ANKRD6: variants seen among roughly 807,000 people sequenced by gnomAD.
The protein encoded by ANKRD6 is ankyrin repeat domain-containing protein 6.
ANKRD6 carries 56 observed loss-of-function variants against 82.3 expected under a neutral mutation model. That is an observed-to-expected ratio of 0.68 (90% confidence interval 0.55 to 0.85). The LOEUF is 0.85. Among genes scored for constraint, ANKRD6 ranks in the 40% least tolerant of loss-of-function variants. ANKRD6 has a pLI of 0.00. For missense variants in ANKRD6, 852 were observed against 907.6 expected, an observed-to-expected ratio of 0.94 and a Z score of 0.79; for synonymous variants, 347 against 352.1, an observed-to-expected ratio of 0.99 and a Z score of 0.16.
chr6:89,434,294 C>T (rs1055266337), intron 1 of ANKRD6, among the ~76,000 whole-genome samples: 2 of 152,190 alleles, frequency 1.3e-5, no homozygotes, highest in Admixed American at 6.5e-5. Context: ...GCATTGTACT[C>T]TTGTGTGTTA....
chr6:89,442,009 A>AT (rs942594365), intron 1 of ANKRD6, among the ~76,000 whole-genome samples: 2 of 146,450 alleles, frequency 1.4e-5, no homozygotes, highest in African/African-American at 2.5e-5. Context: ...TTATTTTTTT[A>AT]TTTTTTTGAG....
At chr6:89,543,774 CA>C (rs781738329) in intron 1 of ANKRD6, among the ~76,000 whole-genome samples, 23 of 152,224 alleles carry the variant, frequency 1.5e-4, no homozygotes, top group Admixed American at 3.9e-4. Flanking sequence ...TTATACAAGT[CA>C]GGTAACACAC....
chr6:89,545,690 A>T lies in ANKRD6; in HGVS notation c.-143-21144A>T, dbSNP rs763509000. On this transcript the variant is annotated intron_variant, in intron 1 of 15. Transcript: ENST00000339746. Reference sequence around the variant, plus strand: ...TGAACTAAATCTTGAAGAAAACAACATTGAACTTGAATCAAACGTGGTTGT... The same window carrying T: ...TGAACTAAATCTTGAAGAAAACAACTTTGAACTTGAATCAAACGTGGTTGT... Among the ~76,000 whole-genome samples, 7 of 152,340 alleles carry T rather than the reference A, an allele frequency of 4.6e-5. No homozygotes were observed. In the South Asian group the frequency reaches 6.2e-4, roughly 14 times the overall value.
chr6:89,452,068 C>T (rs1772898479), intron 1 of ANKRD6, among the ~76,000 whole-genome samples: 1 of 152,094 alleles, frequency 6.6e-6, no homozygotes, highest in African/African-American at 2.4e-5. Context: ...GTATTCCCAG[C>T]TACTTGGGAA....
chr6:89,517,887 T>A (rs934657413), intron 1 of ANKRD6, among the ~76,000 whole-genome samples: 10 of 152,370 alleles, frequency 6.6e-5, no homozygotes, highest in Middle Eastern at 3.4e-3. Flanking sequence ...TCATAGCCCC[T>A]GTGGCAGTTG....
chr6:89,547,019 T>A (rs891121150), intron 1 of ANKRD6, among the ~76,000 whole-genome samples: 4 of 152,094 alleles, frequency 2.6e-5, no homozygotes, highest in Non-Finnish European at 5.9e-5. Context: ...TGGAATGCAG[T>A]GACGTGATCA....
intron 8 of ANKRD6, among the ~76,000 whole-genome samples, chr6:89,617,300 G>T (rs1360521033): frequency 6.6e-6 from 1 of 152,190 alleles, no homozygotes; most frequent in Non-Finnish European, 1.5e-5. Flanking sequence ...CTTGGCTCCT[G>T]TATCTAGCTC....
At chr6:89,511,024 T>C (rs1195382967) in intron 1 of ANKRD6, among the ~76,000 whole-genome samples, 1 of 152,180 alleles carries the variant, frequency 6.6e-6, no homozygotes, top group Non-Finnish European at 1.5e-5. Context: ...GAGACTTCTG[T>C]GTCAGGGCTT....
At chr6:89,599,193 C>T (rs528475277) in intron 3 of ANKRD6, among the ~76,000 whole-genome samples, 1 of 152,120 alleles carries the variant, frequency 6.6e-6, no homozygotes, top group South Asian at 2.1e-4. Flanking sequence ...GGCAACATGG[C>T]AAAACTCCAT....
intron 2 of ANKRD6, among the ~76,000 whole-genome samples, chr6:89,578,388 C>T (rs573453668): frequency 2.8e-5 from 4 of 143,746 alleles, no homozygotes; most frequent in South Asian, 2.4e-4. Context: ...CTCCACCTCC[C>T]GGGTTGAAGC....
At chr6:89,527,523 G>C (rs1782634269) in intron 1 of ANKRD6, among the ~76,000 whole-genome samples, 1 of 147,092 alleles carries the variant, frequency 6.8e-6, no homozygotes, top group South Asian at 2.1e-4. Context: ...GAACCCGGGA[G>C]GCATAGGTTG....
At chr6:89,452,169 G>A (rs1021793788) in intron 1 of ANKRD6, among the ~76,000 whole-genome samples, 1 of 152,152 alleles carries the variant, frequency 6.6e-6, no homozygotes, top group Non-Finnish European at 1.5e-5. Context: ...CACAGAGTGA[G>A]GCCCTGTCTG....
intron 3 of ANKRD6, among the ~76,000 whole-genome samples, chr6:89,596,424 G>A (rs1427067349): frequency 2.6e-5 from 4 of 152,136 alleles, no homozygotes; most frequent in African/African-American, 7.2e-5. Context: ...GAGAAAAAAT[G>A]GGGATTAAAA....
At chr6:89,600,810 C>A (rs999115006) in intron 3 of ANKRD6, among the ~76,000 whole-genome samples, 1 of 151,992 alleles carries the variant, frequency 6.6e-6, no homozygotes, top group African/African-American at 2.4e-5. Flanking sequence ...TGGAGGTGGG[C>A]AGATCACTTG....
intron 1 of ANKRD6, among the ~76,000 whole-genome samples, chr6:89,519,869 A>G (rs1781684507): frequency 6.6e-6 from 1 of 152,246 alleles, no homozygotes; most frequent in Admixed American, 6.5e-5. Context: ...TCTCCAACTA[A>G]ACAAATTATT....
At chr6:89,438,420 C>G (rs146547682) in intron 1 of ANKRD6, among the ~76,000 whole-genome samples, 148 of 152,302 alleles carry the variant, frequency 9.7e-4, no homozygotes, top group Non-Finnish European at 1.6e-3. Context: ...AAGGGAAACA[C>G]ATCACTTCTG....
Position 89,466,919 on chromosome 6 carries a change from C to T in ANKRD6, c.-144+33544C>T, listed in dbSNP as rs561822067. Among the ~76,000 whole-genome samples, 6 of 152,264 alleles carry T rather than the reference C, an allele frequency of 3.9e-5. No homozygotes were observed. In the South Asian group the frequency reaches 1.2e-3, roughly 32 times the overall value. ...ATGGGGTCTTATCTTGTTTTCCAGG[C>T]TGGTCTTAAACTCCTGAGCTCAAGT... On this transcript the variant is annotated intron_variant, in intron 1 of 15. Transcript: ENST00000339746.
chr6:89,473,617 A>G (rs72912556), intron 1 of ANKRD6, among the ~76,000 whole-genome samples: 372 of 152,250 alleles, frequency 2.4e-3, no homozygotes, highest in Non-Finnish European at 4.4e-3. Flanking sequence ...ACCAATTTGG[A>G]TGATTTTTCT....
chr6:89,456,134 C>A (rs1162389355), intron 1 of ANKRD6, among the ~76,000 whole-genome samples: 1 of 152,164 alleles, frequency 6.6e-6, no homozygotes, highest in Non-Finnish European at 1.5e-5. Context: ...TTTGGCCTCC[C>A]AAAGTTAAGT....
Sources: gnomAD v4.1 joint callset for allele counts (sites outside exome capture counted in the v4.1 genomes callset) on GRCh38, gnomAD v4.1.1 for gene constraint, MANE v1.5 for transcripts, NCBI Gene and HGNC (gene_info 2026-07-23, HGNC 2026-07-21) for gene names.